Variants in RAF1 observed in about 807,000 individuals in gnomAD.
RAF1 encodes RAF proto-oncogene serine/threonine-protein kinase.
A neutral mutation model predicts 81.1 loss-of-function variants in RAF1; 27 were observed. The observed-to-expected ratio is 0.33, with a 90% confidence interval of 0.25 to 0.46. The LOEUF (loss-of-function observed/expected upper bound fraction) is 0.46, where lower values mean the gene tolerates loss of function less well. Ranked by LOEUF, RAF1 falls within the 20% of genes least tolerant of loss-of-function variation. The pLI is 1.00. For synonymous variants in RAF1, 298 were observed against 294.0 expected, an observed-to-expected ratio of 1.01 and a Z score of -0.14; for missense variants, 598 against 826.0, an observed-to-expected ratio of 0.72 and a Z score of 3.38.
chr3:12,658,900 A>G (rs2060784125), intron 1 of RAF1, among the ~76,000 whole-genome samples: 1 of 152,234 alleles, frequency 6.6e-6, no homozygotes, highest in Non-Finnish European at 1.5e-5. Flanking sequence ...CTAACAAAGA[A>G]ACAACACCCA....
At chr3:12,645,071 C>T (rs769725439) in intron 1 of RAF1, among the ~76,000 whole-genome samples, 11 of 140,664 alleles carry the variant, frequency 7.8e-5, no homozygotes, top group Non-Finnish European at 1.3e-4. Flanking sequence ...TGCACTCCAG[C>T]CTGGTGACAG....
rs1553613814 is a variant in RAF1 at position 12,604,291 on chromosome 3, TAGG to T, written c.681-5_681-3del. The T allele has an allele frequency of 2.5e-6, 4 of 1,613,736 alleles. No individual in the cohort carries two copies. The highest frequency in any genetic ancestry group is 1.3e-5 in the African/African-American group (1 of 75,040). On this transcript the variant is annotated splice_polypyrimidine_tract_variant and splice_region_variant and intron_variant, in intron 6 of 17. Coordinates refer to ENST00000442415, the MANE Select transcript of RAF1 (RefSeq NM_001354689.3). ...GGTGTAGAATATCTGTGCTGAGAAC[TAGG>T]AGGAGAAAGAAAATTCCATGATTGG...
intron 1 of RAF1, among the ~76,000 whole-genome samples, chr3:12,632,257 G>C (rs562044692): frequency 2.0e-4 from 30 of 149,834 alleles, no homozygotes; most frequent in Non-Finnish European, 3.5e-4. Flanking sequence ...CCGGGAGGCA[G>C]AGGTTGCAGT....
chr3:12,654,974 G>A (rs1311490816), intron 1 of RAF1, among the ~76,000 whole-genome samples: 10 of 148,042 alleles, frequency 6.8e-5, no homozygotes, highest in African/African-American at 1.7e-4. Flanking sequence ...CCAGGAGTTC[G>A]AGACCAACCT....
At chr3:12,607,508 C>T (rs1357743837) in intron 5 of RAF1, among the ~76,000 whole-genome samples, 1 of 152,046 alleles carries the variant, frequency 6.6e-6, no homozygotes, top group Non-Finnish European at 1.5e-5. Flanking sequence ...ATTAGCTAGG[C>T]ATGATGGCAT....
intron 1 of RAF1, among the ~76,000 whole-genome samples, chr3:12,640,810 C>A (rs1193172888): frequency 6.6e-6 from 1 of 152,102 alleles, no homozygotes; most frequent in Non-Finnish European, 1.5e-5. Context: ...TGTGGCGATT[C>A]CTCAAGGATC....
intron 2 of RAF1, 101 bp from the exon 3 acceptor site, chr3:12,612,163 C>T (rs2059231776): frequency 4.6e-6 from 4 of 871,024 alleles, no homozygotes; most frequent in South Asian, 1.3e-5. Context: ...CTTGTGATGG[C>T]CCACGCACAC....
intron 13 of RAF1, chr3:12,590,133 A>T (rs1010020718): frequency 9.9e-5 from 15 of 152,032 alleles, no homozygotes; most frequent in African/African-American, 3.6e-4. Context: ...CCCAAAAACA[A>T]CATCTGCTTA....
intron 1 of RAF1, among the ~76,000 whole-genome samples, chr3:12,633,507 G>GGAAAA (rs2059924218): frequency 6.8e-6 from 1 of 146,610 alleles, no homozygotes; most frequent in Admixed American, 6.8e-5. Context: ...AAAAAAGAAA[G>GGAAAA]GAAAAGAAAA....
intron 7 of RAF1, 114 bp downstream of exon 7, chr3:12,604,022 C>T: frequency 1.7e-6 from 2 of 1,203,662 alleles, no homozygotes; most frequent in African/African-American, 3.0e-5. Context: ...GTCCAGAGAC[C>T]TGAGAAAGTG....
intron 1 of RAF1, among the ~76,000 whole-genome samples, chr3:12,645,132 G>C (rs1445202197): frequency 6.6e-6 from 1 of 150,494 alleles, no homozygotes; most frequent in Admixed American, 6.7e-5. Flanking sequence ...TAAGGTGGCA[G>C]GACAAAAATA....
chr3:12,623,742 C>A (rs562789361), intron 1 of RAF1, among the ~76,000 whole-genome samples: 2 of 143,642 alleles, frequency 1.4e-5, no homozygotes, highest in African/African-American at 5.3e-5. Flanking sequence ...TGCAGTGAGC[C>A]GAGATCATGC....
chr3:12,583,673 G>C lies in RAF1; in HGVS notation c.*841C>G, dbSNP rs1461713213. 3 of 233,120 alleles carry C rather than the reference G, an allele frequency of 1.3e-5. No individual in the cohort carries two copies. The highest frequency in any genetic ancestry group is 2.5e-5 in the Non-Finnish European group (3 of 117,986). The allele number at this position is 233,120 out of a possible 1,614,324, so 14.4% of individuals were successfully genotyped here. On this transcript the variant is annotated 3_prime_UTR_variant, in exon 18 of 18. Coordinates refer to ENST00000442415, the MANE Select transcript of RAF1 (RefSeq NM_001354689.3). ...CCATCAGATAACTGTATTTTGTCAG[G>C]TGCAATAAAAACAAAATTAAAACCC...
At chr3:12,601,668 A>G (rs1047678523) in intron 8 of RAF1, among the ~76,000 whole-genome samples, 1 of 152,022 alleles carries the variant, frequency 6.6e-6, no homozygotes, top group Non-Finnish European at 1.5e-5. Context: ...ATAAAATTAT[A>G]TATCTAATTA....
intron 5 of RAF1, among the ~76,000 whole-genome samples, chr3:12,607,289 C>T (rs982933535): frequency 2.0e-5 from 3 of 152,096 alleles, no homozygotes; most frequent in Non-Finnish European, 2.9e-5. Context: ...GATGCATGAA[C>T]GAAAACTCAG....
intron 1 of RAF1, among the ~76,000 whole-genome samples, chr3:12,648,866 G>A (rs1252121908): frequency 6.6e-6 from 1 of 152,196 alleles, no homozygotes; most frequent in Non-Finnish European, 1.5e-5. Flanking sequence ...TGTAATCCCA[G>A]CACTTTAGGA....
intron 11 of RAF1, 57 bp downstream of exon 10, chr3:12,599,634 G>A (rs2058794182): frequency 7.1e-7 from 1 of 1,403,290 alleles, no homozygotes; most frequent in Non-Finnish European, 1.0e-6. Context: ...CCCCTGGGCT[G>A]AAACTTGACT....
intron 14 of RAF1, among the ~76,000 whole-genome samples, chr3:12,586,458 T>C (rs2058337059): frequency 6.6e-6 from 1 of 152,092 alleles, no homozygotes; most frequent in Non-Finnish European, 1.5e-5. Context: ...ACAAAGTAAC[T>C]TGTGATGTTG....
chr3:12,613,415 C>T (rs1337933328), intron 2 of RAF1, among the ~76,000 whole-genome samples: 3 of 149,236 alleles, frequency 2.0e-5, no homozygotes, highest in Non-Finnish European at 3.0e-5. Context: ...TCCCCCACCC[C>T]GCCATCCCCC....
Sources: allele counts gnomAD v4.1 joint callset (sites outside exome capture counted in the v4.1 genomes callset), GRCh38; gene constraint gnomAD v4.1.1; transcripts MANE v1.5; gene names NCBI Gene and HGNC (gene_info 2026-07-23, HGNC 2026-07-21).